The following DPF3 variants were observed in gnomAD, a reference collection of about 807,000 sequenced individuals.
DPF3 encodes the protein zinc finger protein DPF3.
In DPF3, 18 loss-of-function variants were observed where a neutral mutation model predicts 56.8. The observed-to-expected ratio is 0.32, with a 90% CI of 0.22 to 0.47. The LOEUF (loss-of-function observed/expected upper bound fraction) is 0.47. Ranked by LOEUF, DPF3 falls within the 20% of genes least tolerant of loss-of-function variation. The pLI, the probability that DPF3 is intolerant of heterozygous loss-of-function variation, is 1.00. For missense variants in DPF3, 403 were observed against 488.8 expected (o/e 0.82, Z 1.65); for synonymous variants, 188 against 180.2 (o/e 1.04, Z -0.35).
chr14:72,667,263 T>C (rs1368631999), intron 8 of DPF3, among the ~76,000 whole-genome samples: 4 of 152,188 alleles, frequency 2.6e-5, no homozygotes, highest in African/African-American at 9.6e-5. Flanking sequence ...GATCTTTACA[T>C]AGTCTCTCAG....
At chr14:72,662,781 C>CT (rs933500216) in intron 8 of DPF3, 1 of 988,450 alleles carries the variant, frequency 1.0e-6, no homozygotes, top group African/African-American at 1.7e-5. Context: ...TTTTCACCTT[C>CT]TTCGGAAATG....
At chr14:72,714,377 G>A (rs765480836) in intron 6 of DPF3, 46 bp downstream of exon 6, 6 of 1,604,336 alleles carry the variant, frequency 3.7e-6, no homozygotes, top group African/African-American at 2.7e-5. Context: ...GGGCCCTGGG[G>A]GCAGGCGCAC....
At chr14:72,658,245 G>A (rs1371605093) in intron 8 of DPF3, among the ~76,000 whole-genome samples, 3 of 152,114 alleles carry the variant, frequency 2.0e-5, no homozygotes, top group African/African-American at 7.2e-5. Flanking sequence ...TGCCTGTATC[G>A]AAACATCTCA....
At chr14:72,787,887 A>G (rs2139976347) in intron 1 of DPF3, among the ~76,000 whole-genome samples, 1 of 152,336 alleles carries the variant, frequency 6.6e-6, no homozygotes, top group South Asian at 2.1e-4. Context: ...CGGCTTCTCC[A>G]TTTGCCATGC....
chr14:72,704,234 T>C (rs1278885261), intron 6 of DPF3, among the ~76,000 whole-genome samples: 2 of 152,264 alleles, frequency 1.3e-5, no homozygotes, highest in African/African-American at 4.8e-5. Context: ...CGTTAGCATG[T>C]CCTTAATGAG....
intron 7 of DPF3, among the ~76,000 whole-genome samples, chr14:72,676,774 G>C (rs1216478646): frequency 6.6e-6 from 1 of 152,178 alleles, no homozygotes; most frequent in African/African-American, 2.4e-5. Flanking sequence ...CCCCAGCCAG[G>C]TGGAACTGTG....
intron 1 of DPF3, among the ~76,000 whole-genome samples, chr14:72,885,095 C>T (rs1886489132): frequency 6.9e-6 from 1 of 145,668 alleles, no homozygotes; most frequent in Non-Finnish European, 1.5e-5. Context: ...CACTGCACTC[C>T]AGCCTGGGCG....
At chr14:72,783,300 T>G (rs1043204809) in intron 1 of DPF3, among the ~76,000 whole-genome samples, 10 of 152,120 alleles carry the variant, frequency 6.6e-5, no homozygotes. Context: ...AAATTGCAAG[T>G]GCCACGAGAG....
chr14:72,893,522 G>A (rs1020087869), intron 1 of DPF3, among the ~76,000 whole-genome samples: 5 of 152,140 alleles, frequency 3.3e-5, no homozygotes, highest in African/African-American at 1.2e-4. Context: ...GCGAGCGATC[G>A]GAAGGCGAAG....
intron 1 of DPF3, among the ~76,000 whole-genome samples, chr14:72,889,663 A>C (rs967939284): frequency 5.9e-5 from 9 of 152,194 alleles, no homozygotes; most frequent in Non-Finnish European, 7.3e-5. Context: ...TAACTTTCAC[A>C]TGCACAAAAC....
chr14:72,708,225 T>C (rs193141232), intron 6 of DPF3, among the ~76,000 whole-genome samples: 1 of 152,160 alleles, frequency 6.6e-6, no homozygotes, highest in East Asian at 1.9e-4. Flanking sequence ...AAAGAGAAAC[T>C]TCACCCTCTC....
intron 1 of DPF3, among the ~76,000 whole-genome samples, chr14:72,792,636 G>C (rs1415084718): frequency 6.6e-6 from 1 of 151,888 alleles, no homozygotes; most frequent in Non-Finnish European, 1.5e-5. Flanking sequence ...TCAGTCCCCA[G>C]GGTAACAAAG....
intron 6 of DPF3, among the ~76,000 whole-genome samples, chr14:72,702,471 A>G (rs1236171786): frequency 6.6e-6 from 1 of 152,076 alleles, no homozygotes; most frequent in Non-Finnish European, 1.5e-5. Flanking sequence ...CCACACCTTC[A>G]TAATCACTCT....
At position 72,756,867 on chromosome 14, in the gene DPF3, A is replaced by AG. The variant is rs1567222938; in HGVS notation, c.194-3497dup. ...AAGAAAGAAAGAAAGAAAGAAAGAA[A>AG]GAAAGGAAGGAAAGAAGGAAAGAAA... On this transcript the variant is annotated intron_variant, in intron 2 of 10. Coordinates refer to ENST00000556509, the MANE Select transcript of DPF3 (RefSeq NM_001280542.3). 7.2e-3 allele frequency among the ~76,000 whole-genome samples: 844 copies of AG among 117,136 alleles called. 13 individuals are homozygous for AG. Among genetic ancestry groups the AG allele is most frequent in the African/African-American group, 0.02 (589 of 29,778 alleles). The allele number at this position is 117,136 out of a possible 152,430, so 76.8% of individuals were successfully genotyped here. A position where few individuals can be genotyped will look rare whatever the true frequency, so the allele number is the denominator to read the frequency against.
chr14:72,739,501 T>C (rs572303464), intron 3 of DPF3, among the ~76,000 whole-genome samples: 9 of 152,274 alleles, frequency 5.9e-5, no homozygotes, highest in African/African-American at 2.2e-4. Flanking sequence ...AGTTTCCCTC[T>C]CCTTGTGCTT....
chr14:72,887,073 G>A (rs1886574908), intron 1 of DPF3, among the ~76,000 whole-genome samples: 1 of 151,702 alleles, frequency 6.6e-6, no homozygotes. Context: ...CATGGTAGAG[G>A]AGAAGGCCAG....
intron 7 of DPF3, 70 bp from the exon 8 acceptor site, chr14:72,674,438 A>T (rs1366654897): frequency 6.4e-7 from 1 of 1,550,810 alleles, no homozygotes; most frequent in Non-Finnish European, 8.7e-7. Flanking sequence ...TTCTCCTCCT[A>T]CAGTGTGGTA....
At chr14:72,861,002 G>A (rs1025475478) in intron 1 of DPF3, among the ~76,000 whole-genome samples, 2 of 151,306 alleles carry the variant, frequency 1.3e-5, no homozygotes, top group Non-Finnish European at 2.9e-5. Flanking sequence ...TTTGTAGCCT[G>A]TGCTTTCTTA....
chr14:72,836,239 T>C, intron 1 of DPF3: 1 of 985,590 alleles, frequency 1.0e-6, no homozygotes, highest in South Asian at 4.7e-5. Context: ...ACATCTCTAC[T>C]TCCCTCTCCA....
Sources: allele counts gnomAD v4.1 joint callset (sites outside exome capture counted in the v4.1 genomes callset), GRCh38; gene constraint gnomAD v4.1.1; transcripts MANE v1.5; gene names NCBI Gene and HGNC (gene_info 2026-07-23, HGNC 2026-07-21).